The following ARHGAP26 variants were observed in gnomAD, a reference collection of about 807,000 sequenced individuals.
ARHGAP26 encodes the protein Rho GTPase activating protein 26.
A neutral mutation model predicts 104.8 loss-of-function variants in ARHGAP26; 38 were observed. The ratio of observed to expected loss-of-function variants is 0.36; its 90% CI spans 0.28 to 0.48. ARHGAP26 has a LOEUF of 0.48. ARHGAP26 is among the 20% of genes least tolerant of loss of function. ARHGAP26 has a pLI of 0.99. For missense variants in ARHGAP26, 704 were observed against 947.9 expected, an observed-to-expected ratio of 0.74 and a Z score of 3.38; for synonymous variants, 341 against 340.0, an observed-to-expected ratio of 1.00 and a Z score of -0.03.
At chr5:143,002,796 G>A (rs1777380482) in intron 11 of ARHGAP26, among the ~76,000 whole-genome samples, 1 of 152,208 alleles carries the variant, frequency 6.6e-6, no homozygotes, top group Admixed American at 6.5e-5. Context: ...TCGGTTGAAA[G>A]CTAGGGAAGT....
At chr5:142,969,187 C>T (rs1324690841) in intron 11 of ARHGAP26, 2 of 152,244 alleles carry the variant, frequency 1.3e-5, no homozygotes, top group Admixed American at 6.5e-5. Flanking sequence ...GCAATCTGCC[C>T]ACCTCAGCCT....
chr5:142,864,712 G>A (rs12520828), intron 1 of ARHGAP26, among the ~76,000 whole-genome samples: 25,671 of 152,170 alleles, frequency 0.17, 3,220 homozygotes, highest in East Asian at 0.5. Flanking sequence ...GGCAGGGCCG[G>A]GGGCATCCCT....
At chr5:143,081,789 G>A (rs1049604507) in intron 17 of ARHGAP26, among the ~76,000 whole-genome samples, 15 of 152,100 alleles carry the variant, frequency 9.9e-5, no homozygotes, top group South Asian at 2.1e-4. Context: ...CGAGGCCGGC[G>A]GATCACAAGG....
chr5:142,825,721 G>C (rs559355133), intron 1 of ARHGAP26, among the ~76,000 whole-genome samples: 118 of 152,320 alleles, frequency 7.7e-4, no homozygotes, highest in African/African-American at 2.7e-3. Flanking sequence ...AAGGCAAGTA[G>C]TTAAGAGCCG....
chr5:142,854,499 A>G (rs1454440425), intron 1 of ARHGAP26, among the ~76,000 whole-genome samples: 2 of 152,206 alleles, frequency 1.3e-5, no homozygotes, highest in Non-Finnish European at 2.9e-5. Context: ...CTGAAATAGG[A>G]GGTGCTCAAT....
At chr5:142,773,344 T>C (rs939774785) in intron 1 of ARHGAP26, among the ~76,000 whole-genome samples, 1 of 152,236 alleles carries the variant, frequency 6.6e-6, no homozygotes, top group Non-Finnish European at 1.5e-5. Context: ...TTTATAGCCA[T>C]ATTTTATTTT....
chr5:142,863,924 C>T (rs73799007), intron 1 of ARHGAP26, among the ~76,000 whole-genome samples: 38 of 152,292 alleles, frequency 2.5e-4, no homozygotes, highest in African/African-American at 8.9e-4. Context: ...TATCTGCGCA[C>T]CTGCTTGGTG....
At chr5:143,125,082 G>A (rs898652154) in intron 18 of ARHGAP26, among the ~76,000 whole-genome samples, 7 of 152,014 alleles carry the variant, frequency 4.6e-5, no homozygotes, top group Non-Finnish European at 1.0e-4. Context: ...ATCTAAAATT[G>A]GAAAAACATT....
chr5:143,000,993 A>G (rs753706491), intron 11 of ARHGAP26, among the ~76,000 whole-genome samples: 1 of 152,152 alleles, frequency 6.6e-6, no homozygotes, highest in African/African-American at 2.4e-5. Context: ...ATGTATACCT[A>G]TGTAACAAAC....
chr5:143,028,112 C>G (rs1434241663), intron 12 of ARHGAP26, among the ~76,000 whole-genome samples: 1 of 152,148 alleles, frequency 6.6e-6, no homozygotes, highest in Non-Finnish European at 1.5e-5. Context: ...ATGCTATAAT[C>G]TTACAGAAAT....
At position 142,920,460 on chromosome 5, in the gene ARHGAP26, T is replaced by C. The variant is rs543125611; in HGVS notation, c.1028+7167T>C. Among the ~76,000 whole-genome samples, 21 of 152,344 alleles carry C rather than the reference T, an allele frequency of 1.4e-4. No individual in the cohort carries two copies. In the South Asian group the frequency reaches 4.4e-3, roughly 32 times the overall value. On this transcript the variant is annotated intron_variant, in intron 10 of 22. Coordinates refer to ENST00000645722, the MANE Select transcript of ARHGAP26 (RefSeq NM_001135608.3). Reference sequence around the variant, plus strand: ...CGTGGATATTTTCTCTCAGGTGTTTTCCAGGAGGGCCTAGTAAACCATGTG... The same window carrying C: ...CGTGGATATTTTCTCTCAGGTGTTTCCCAGGAGGGCCTAGTAAACCATGTG...
At chr5:143,057,206 T>C (rs1341519599) in intron 16 of ARHGAP26, among the ~76,000 whole-genome samples, 1 of 152,248 alleles carries the variant, frequency 6.6e-6, no homozygotes, top group Non-Finnish European at 1.5e-5. Context: ...TCTTTGATGC[T>C]GTCTCAAGGT....
At chr5:143,003,357 A>G (rs943563013) in intron 11 of ARHGAP26, among the ~76,000 whole-genome samples, 4 of 152,166 alleles carry the variant, frequency 2.6e-5, no homozygotes, top group Non-Finnish European at 5.9e-5. Flanking sequence ...CCATAAGGAT[A>G]ATTTGCTCAT....
chr5:142,942,970 G>A (rs553286681), intron 11 of ARHGAP26, among the ~76,000 whole-genome samples: 11 of 152,272 alleles, frequency 7.2e-5, no homozygotes, highest in Admixed American at 6.5e-4. Flanking sequence ...TAGGAGAGAC[G>A]AGGTTTCAAC....
chr5:143,035,171 GA>G (rs1481084946), intron 12 of ARHGAP26, among the ~76,000 whole-genome samples: 1 of 152,184 alleles, frequency 6.6e-6, no homozygotes, highest in Admixed American at 6.5e-5. Flanking sequence ...TTCAGTTTGG[GA>G]AGAGTTGTTT....
intron 17 of ARHGAP26, among the ~76,000 whole-genome samples, chr5:143,081,202 G>A (rs1395255403): frequency 6.6e-6 from 1 of 152,104 alleles, no homozygotes; most frequent in Non-Finnish European, 1.5e-5. Flanking sequence ...TGAGATCACT[G>A]AGGGCAGGTC....
intron 11 of ARHGAP26, among the ~76,000 whole-genome samples, chr5:142,990,794 A>G (rs571831668): frequency 8.8e-4 from 134 of 152,304 alleles, no homozygotes; most frequent in African/African-American, 3.1e-3. Context: ...GCAGAACAGC[A>G]AATGTTGCTT....
chr5:143,194,478 T>TAA (rs907438539), intron 20 of ARHGAP26, among the ~76,000 whole-genome samples: 1 of 152,232 alleles, frequency 6.6e-6, no homozygotes, highest in African/African-American at 2.4e-5. Context: ...ATAGTTCTCT[T>TAA]AAGTTAAGCA....
chr5:143,148,732 C>T (rs1459290789), intron 20 of ARHGAP26, among the ~76,000 whole-genome samples: 1 of 152,130 alleles, frequency 6.6e-6, no homozygotes, highest in Non-Finnish European at 1.5e-5. Context: ...TGAGGTTTGA[C>T]CTTCTCAGGT....
Sources: gnomAD v4.1 joint callset for allele counts (sites outside exome capture counted in the v4.1 genomes callset) on GRCh38, gnomAD v4.1.1 for gene constraint, MANE v1.5 for transcripts, NCBI Gene and HGNC (gene_info 2026-07-23, HGNC 2026-07-21) for gene names.